ZNF534: variants seen among roughly 807,000 people sequenced by gnomAD.
ZNF534 encodes the protein KRAB domain only 3.
In ZNF534, 19 loss-of-function variants were observed where a neutral mutation model predicts 13.6. That is an observed-to-expected ratio of 1.40 (90% CI 0.97 to 2.05). ZNF534 has a LOEUF of 2.05. ZNF534 is among the 30% of genes most tolerant of loss of function. The pLI is 0.00. For missense variants in ZNF534, 782 were observed against 796.3 expected, an observed-to-expected ratio of 0.98 and a Z score of 0.22; for synonymous variants, 244 against 273.8, an observed-to-expected ratio of 0.89 and a Z score of 1.07.
chr19:52,439,300 G>A lies in ZNF534; in HGVS notation c.1840G>A (p.Val614Ile). The A allele has an allele frequency of 6.4e-7, 1 of 1,560,278 alleles. No homozygotes were observed. The highest frequency in any genetic ancestry group is 8.7e-7 in the Non-Finnish European group (1 of 1,151,940). ...KLYKCNECSKVFSRNSRLAQH... is the reference protein window; with the variant it reads ...KLYKCNECSKIFSRNSRLAQH... The stretch of plus-strand genomic sequence containing the variant: ...TTACAAATGTAATGAATGTAGCAAG[G>A]TCTTCAGTCGGAATTCACGCCTTGC... The change falls in exon 5 of 5, where the codon GTC becomes ATC. Residue 614 changes from valine (V) to isoleucine (I), a missense_variant. Coordinates refer to ENST00000433050, the MANE Select transcript of ZNF534 (RefSeq NM_001143938.3).
chr19:52,437,888 C>G lies in ZNF534; in HGVS notation c.428C>G (p.Ser143Cys), dbSNP rs769988868. 1 of 1,613,598 alleles carries G rather than the reference C, an allele frequency of 6.2e-7. No individual in the cohort carries two copies. Among genetic ancestry groups the G allele is most frequent in the South Asian group, 1.1e-5 (1 of 90,978 alleles). Residue 143 changes from serine (S) to cysteine (C), a missense_variant, in exon 5 of 5, where the codon TCT (serine) becomes TGT (cysteine). Around this residue, in one of 5 missense-constraint regions of ZNF534, gnomAD observed 591 missense variants for 574.0 expected, o/e 1.03. Transcript: ENST00000433050. ...GTTGAGAAATCTATCAGTGACAATTCTTCAGTTTCACCAGTTCAAATAAGT... is the reference window on the plus strand; with the variant it reads ...GTTGAGAAATCTATCAGTGACAATTGTTCAGTTTCACCAGTTCAAATAAGT... ...KHVEKSISDN[S>C]SVSPVQISFF...
chr19:52,431,166 A>G (rs1353812963), intron 1 of ZNF534, among the ~76,000 whole-genome samples: 3 of 152,158 alleles, frequency 2.0e-5, no homozygotes, highest in African/African-American at 7.2e-5. Context: ...TGTGCTTTTA[A>G]GGGGAGCTTA....
chr19:52,449,623 G>T (rs1286128310), intron 4 of ZNF534, among the ~76,000 whole-genome samples: 1 of 152,082 alleles, frequency 6.6e-6, no homozygotes, highest in Non-Finnish European at 1.5e-5. Flanking sequence ...TTTACCTGAT[G>T]ATTAGTGATG....
chr19:52,452,102 T>TA (rs1474499893), exon 5 of ZNF534: 1 of 167,376 alleles, frequency 6.0e-6, no homozygotes, highest in South Asian at 1.5e-4. Flanking sequence ...AGAGATCATT[T>TA]AAAAAAAGCA....
At chr19:52,451,792 T>G in exon 5 of ZNF534, 1 of 709,198 alleles carries the variant, frequency 1.4e-6, no homozygotes, top group South Asian at 1.5e-5. Context: ...ACTCTTTAAT[T>G]TTTGCAAAGA....
In ZNF534 at chr19:52,433,945, T is replaced by C; in HGVS notation, c.16-10T>C. 6.2e-7 allele frequency: 1 copy of C among 1,613,734 alleles called. No homozygotes were observed. Among genetic ancestry groups the C allele is most frequent in the East Asian group, 2.2e-5 (1 of 44,860 alleles). On this transcript the variant is annotated splice_polypyrimidine_tract_variant and intron_variant, in intron 2 of 4. Coordinates refer to ENST00000433050, the MANE Select transcript of ZNF534 (RefSeq NM_001143938.3). ...CATACCCTGTTTTTGAAATGTGGAT[T>C]TCCTTTTAGGGGCAATTGTCATTCA...
At chr19:52,433,819 A>G in intron 2 of ZNF534, 136 bp from the exon 3 acceptor site, 1 of 922,682 alleles carries the variant, frequency 1.1e-6, no homozygotes, top group Non-Finnish European at 1.7e-6. Flanking sequence ...ACACATAACT[A>G]GCTCAAGAAT....
chr19:52,444,513 A>G (rs1204854594), downstream of ZNF534, among the ~76,000 whole-genome samples: 2 of 152,026 alleles, frequency 1.3e-5, no homozygotes, highest in African/African-American at 4.8e-5. Flanking sequence ...AGAGAGCATC[A>G]GCTGTGGTAG....
chr19:52,451,815 C>A, exon 5 of ZNF534: 2 of 745,244 alleles, frequency 2.7e-6, no homozygotes, highest in South Asian at 2.9e-5. Context: ...AGTTTGAAGT[C>A]AAAAAAAGGT....
rs1568446307 is a variant in ZNF534 at position 52,439,228 on chromosome 19, A to T, written c.1768A>T (p.Asn590Tyr). 6.5e-7 allele frequency: 1 copy of T among 1,529,818 alleles called. No individual in the cohort carries two copies. 94.8% of individuals were successfully genotyped at this position (1,529,818 alleles called of 1,614,324 possible). ...TGAATGTGGCAAGGTCTTCAGTCGG[A>T]ATTCACACCTTGCGCGACATAGGAA... ...CNECGKVFSRNSHLARHRKIH... is the reference protein window; with the variant it reads ...CNECGKVFSRYSHLARHRKIH... The change falls in exon 5 of 5, where the codon AAT becomes TAT. Residue 590 changes from asparagine (N) to tyrosine (Y), a missense_variant. Physicochemically the swap from Asn to Tyr is moderately radical, Grantham distance 143. Coordinates refer to ENST00000433050, the MANE Select transcript of ZNF534 (RefSeq NM_001143938.3).
intron 4 of ZNF534, among the ~76,000 whole-genome samples, chr19:52,449,558 A>T (rs1352013239): frequency 2.0e-5 from 3 of 151,676 alleles, no homozygotes; most frequent in Admixed American, 2.0e-4. Context: ...TGTATTTTTG[A>T]TGATAGCCAT....
rs529742817 is a variant in ZNF534, at chr19:52,440,933, G to A, written c.*1487G>A. ...TTTTTTCCCCCGAAACAAGAGTCTC[G>A]CTCTGATGCCCAGGCTGGAGTGCAG... is the stretch of plus-strand genomic sequence containing the variant. On this transcript the variant is annotated 3_prime_UTR_variant, in exon 5 of 5. Transcript: ENST00000433050. 4.0e-5 allele frequency among the ~76,000 whole-genome samples: 6 copies of A among 148,534 alleles called. No individual in the cohort carries two copies. Among genetic ancestry groups the A allele is most frequent in the Middle Eastern group, 3.5e-3 (1 of 286 alleles).
chr19:52,450,933 A>G (rs567183016), intron 4 of ZNF534, among the ~76,000 whole-genome samples: 2 of 151,930 alleles, frequency 1.3e-5, no homozygotes, highest in East Asian at 3.9e-4. Context: ...TGATCCGCCC[A>G]TCTTGGCCTC....
At chr19:52,434,149 G>A (rs1315150789) in intron 3 of ZNF534, 68 bp downstream of exon 3, 1 of 1,568,602 alleles carries the variant, frequency 6.4e-7, no homozygotes, top group Non-Finnish European at 8.6e-7. Flanking sequence ...TCTCTTGTGT[G>A]TCTCTCGGGA....
intron 2 of ZNF534, among the ~76,000 whole-genome samples, chr19:52,433,568 G>T (rs149090673): frequency 6.6e-6 from 1 of 152,084 alleles, no homozygotes; most frequent in Non-Finnish European, 1.5e-5. Context: ...GGGTTTCACC[G>T]TGTTGGCCAA....
intron 4 of ZNF534, among the ~76,000 whole-genome samples, chr19:52,436,171 C>T (rs993078878): frequency 6.6e-6 from 1 of 151,836 alleles, no homozygotes; most frequent in Non-Finnish European, 1.5e-5. Context: ...ATCTCCTGAC[C>T]TCATGATCCA....
intron 4 of ZNF534, among the ~76,000 whole-genome samples, chr19:52,436,301 G>C (rs2608488): frequency 0.91 from 138,096 of 152,038 alleles, 63,090 homozygotes; most frequent in Non-Finnish European, 0.96. Flanking sequence ...ATACCTGCTG[G>C]AAAAATACAC....
rs753839602 is a variant in ZNF534 at position 52,438,736 on chromosome 19, A to G, written c.1276A>G (p.Thr426Ala). 6 of 1,595,036 alleles carry G rather than the reference A, an allele frequency of 3.8e-6. No individual in the cohort carries two copies. Among genetic ancestry groups the G allele is most frequent in the Non-Finnish European group, 5.1e-6 (6 of 1,170,114 alleles). The change falls in exon 5 of 5, where the codon ACT becomes GCT. Residue 426 changes from threonine (T) to alanine (A), a missense_variant. Transcript: ENST00000433050. ...GKAFRTCSDL[T>A]AHLLIHTGEK... ...AGCATTTAGAACGTGTTCAGATCTC[A>G]CTGCCCATCTTCTAATCCATACTGG...
intron 2 of ZNF534, among the ~76,000 whole-genome samples, chr19:52,432,292 A>C (rs944481744): frequency 1.3e-5 from 2 of 152,066 alleles, no homozygotes; most frequent in African/African-American, 4.8e-5. Context: ...AAGTTGTTTT[A>C]AATTTACTGA....
Sources: gnomAD v4.1 joint callset for allele counts (sites outside exome capture counted in the v4.1 genomes callset) on GRCh38, gnomAD v4.1.1 for gene constraint, gnomAD v4.1.1 regional missense constraint, MANE v1.5 for transcripts, NCBI Gene and HGNC (gene_info 2026-07-23, HGNC 2026-07-21) for gene names.